WNT9A: variants seen among roughly 807,000 people sequenced by gnomAD.
The protein encoded by WNT9A is protein Wnt-9a.
In WNT9A, 8 loss-of-function variants were observed where a neutral mutation model predicts 31.4. The ratio of observed to expected loss-of-function variants is 0.26; its 90% CI spans 0.15 to 0.46. WNT9A has a LOEUF of 0.46. WNT9A is among the 20% of genes least tolerant of loss of function. The pLI, the probability that WNT9A is intolerant of heterozygous loss-of-function variation, is 0.99. For synonymous variants in WNT9A, 236 were observed against 220.1 expected, an observed-to-expected ratio of 1.07 and a Z score of -0.64; for missense variants, 457 against 522.9, an observed-to-expected ratio of 0.87 and a Z score of 1.23.
chr1:227,924,068 G>T, intron 3 of WNT9A, 70 bp downstream of exon 3: 3 of 46,924 alleles, frequency 6.4e-5, no homozygotes, highest in Non-Finnish European at 1.2e-4. Context: ...CCAGTCCCAC[G>T]CCCCACCCCC....
At chr1:227,947,690 C>A in intron 1 of WNT9A, 103 bp downstream of exon 1, 1 of 667,002 alleles carries the variant, frequency 1.5e-6, no homozygotes, top group Non-Finnish European at 1.9e-6. Context: ...CCCCGCCGCG[C>A]CCCGGCCCCA....
At chr1:227,935,487 T>G (rs1666580368) in intron 1 of WNT9A, among the ~76,000 whole-genome samples, 2 of 152,180 alleles carry the variant, frequency 1.3e-5, no homozygotes, top group South Asian at 4.1e-4. Flanking sequence ...TCTCTCGAGA[T>G]TCCCTCTGTG....
At chr1:227,934,175 A>G (rs1666553504) in intron 1 of WNT9A, among the ~76,000 whole-genome samples, 1 of 152,160 alleles carries the variant, frequency 6.6e-6, no homozygotes, top group Non-Finnish European at 1.5e-5. Context: ...TTGTGTGGAC[A>G]TATGTTTTCA....
intron 1 of WNT9A, among the ~76,000 whole-genome samples, chr1:227,947,303 C>A (rs913798292): frequency 6.6e-6 from 1 of 151,136 alleles, no homozygotes; most frequent in African/African-American, 2.5e-5. Flanking sequence ...GGATTTCTCT[C>A]TTTCTCTCTC....
rs1458516594 is a variant in WNT9A, at chr1:227,942,297, C to A, written c.95+5496G>T. ...TCCACACCCTCCAGGGAGCCAGGACCCCCAAGCAGGTGGGGCAGGGAGAGG... is the reference window on the plus strand; with the variant it reads ...TCCACACCCTCCAGGGAGCCAGGACACCCAAGCAGGTGGGGCAGGGAGAGG... On this transcript the variant is annotated intron_variant, in intron 1 of 3. Coordinates refer to ENST00000272164, the MANE Select transcript of WNT9A (RefSeq NM_003395.4). This position sits in a 1 kb window ranked among gnomAD's most constrained non-coding sequence, Gnocchi z 5.7. Among the ~76,000 whole-genome samples, 1 of 152,178 alleles carries A rather than the reference C, an allele frequency of 6.6e-6. No individual in the cohort carries two copies. The highest frequency in any genetic ancestry group is 1.5e-5 in the Non-Finnish European group (1 of 68,022).
Position 227,942,770 on chromosome 1 carries a change from G to C in WNT9A, c.95+5023C>G, listed in dbSNP as rs1430435399. On this transcript the variant is annotated intron_variant, in intron 1 of 3. Transcript: ENST00000272164. This position sits in a 1 kb window ranked among gnomAD's most constrained non-coding sequence, Gnocchi z 5.7. ...GTTGTTGGAGGGGGTGGGTCTCCAGGACAGTGCCTGCCCAAACCTAAGCCT... is the reference window on the plus strand; with the variant it reads ...GTTGTTGGAGGGGGTGGGTCTCCAGCACAGTGCCTGCCCAAACCTAAGCCT... 6.6e-6 allele frequency among the ~76,000 whole-genome samples: 1 copy of C among 152,116 alleles called. No homozygotes were observed. The highest frequency in any genetic ancestry group is 6.5e-5 in the Admixed American group (1 of 15,274).
Position 227,922,004 on chromosome 1 carries a change from G to C in WNT9A, c.616-4C>G, listed in dbSNP as rs1409598627. On this transcript the variant is annotated splice_region_variant and splice_polypyrimidine_tract_variant and intron_variant, in intron 3 of 3. Coordinates refer to ENST00000272164, the MANE Select transcript of WNT9A (RefSeq NM_003395.4). Reference sequence around the variant, plus strand: ...TCTCCACCCCAGCCTTGATCACCTGGCAGAAGGGTGCGGGAGGGAGGGCAG... The same window carrying C: ...TCTCCACCCCAGCCTTGATCACCTGCCAGAAGGGTGCGGGAGGGAGGGCAG... 1.2e-6 allele frequency: 2 copies of C among 1,600,140 alleles called. No homozygotes were observed. The highest frequency in any genetic ancestry group is 1.7e-6 in the Non-Finnish European group (2 of 1,172,486).
At chr1:227,947,071 G>T (rs1363612172) in intron 1 of WNT9A, among the ~76,000 whole-genome samples, 2 of 152,230 alleles carry the variant, frequency 1.3e-5, no homozygotes, top group African/African-American at 4.8e-5. Context: ...ACCTCAGAGA[G>T]GGGGAGGGAA....
intron 1 of WNT9A, among the ~76,000 whole-genome samples, chr1:227,931,822 G>T (rs1238256741): frequency 6.6e-6 from 1 of 152,094 alleles, no homozygotes; most frequent in Non-Finnish European, 1.5e-5. Context: ...CTCCATGCTG[G>T]TAGCTGCTGA....
rs1354024573 is a variant in WNT9A at position 227,928,347 on chromosome 1, G to GT, written c.96-2829dup. The stretch of plus-strand genomic sequence containing the variant: ...TCCAAGGCCAGGCAGGGTGGGCAGG[G>GT]TGGGCCGTTGGCACTGTCAGAAGGG... On this transcript the variant is annotated intron_variant, in intron 1 of 3. Transcript: ENST00000272164. This position sits in a 1 kb window ranked among gnomAD's most constrained non-coding sequence, Gnocchi z 4.5. Among the ~76,000 whole-genome samples the GT allele has an allele frequency of 3.9e-5, 6 of 152,008 alleles. No individual in the cohort carries two copies. Among genetic ancestry groups the GT allele is most frequent in the Non-Finnish European group, 8.8e-5 (6 of 67,936 alleles).
At position 227,921,469 on chromosome 1, in the gene WNT9A, G is replaced by A. The variant is rs112746139; in HGVS notation, c.*49C>T. 628 of 1,569,054 alleles carry A rather than the reference G, an allele frequency of 4.0e-4. 1 individual carries two copies. The African/African-American group carries it at 7.0e-3, about 18-fold the overall frequency. On this transcript the variant is annotated 3_prime_UTR_variant, in exon 4 of 4. Coordinates refer to ENST00000272164, the MANE Select transcript of WNT9A (RefSeq NM_003395.4). Reference sequence around the variant, plus strand: ...TGTGCAGGTGTAGACCCTTCACACCGTGTGCAATGCCTGCACCCTGTGCAG... The same window carrying A: ...TGTGCAGGTGTAGACCCTTCACACCATGTGCAATGCCTGCACCCTGTGCAG...
chr1:227,930,435 C>T (rs1666490571), intron 1 of WNT9A, among the ~76,000 whole-genome samples: 1 of 152,210 alleles, frequency 6.6e-6, no homozygotes, highest in South Asian at 2.1e-4. Context: ...ATCCATGGAA[C>T]TCGCTCCACA....
chr1:227,921,891 T>G lies in WNT9A; in HGVS notation c.725A>C (p.His242Pro). 1 of 1,613,204 alleles carries G rather than the reference T, an allele frequency of 6.2e-7. No individual in the cohort carries two copies. Among genetic ancestry groups the G allele is most frequent in the South Asian group, 1.1e-5 (1 of 91,086 alleles). The stretch of plus-strand genomic sequence containing the variant: ...TGCCGTCTCATACTTGTGCTTCAGA[T>G]GCTTGCCCACCTCATGGAAAGGCGC... ...QLAPFHEVGKHLKHKYETALK... is the reference protein window; with the variant it reads ...QLAPFHEVGKPLKHKYETALK... Residue 242 changes from histidine to proline, a missense_variant, in exon 4 of 4, where the codon CAT (histidine) becomes CCT (proline). Coordinates refer to ENST00000272164, the MANE Select transcript of WNT9A (RefSeq NM_003395.4).
chr1:227,938,489 CCACA>C (rs761520053), intron 1 of WNT9A, among the ~76,000 whole-genome samples: 3 of 151,502 alleles, frequency 2.0e-5, no homozygotes, highest in African/African-American at 7.3e-5. Context: ...ACGAACACAC[CCACA>C]CACACAGATA....
rs765889724 is a variant in WNT9A at position 227,924,325 on chromosome 1, G to A, written c.428C>T (p.Ala143Val). Residue 143 changes from alanine (A) to valine (V), a missense_variant, in exon 3 of 4, where the codon GCG becomes GTG. Coordinates refer to ENST00000272164, the MANE Select transcript of WNT9A (RefSeq NM_003395.4). ...LTHALAKACS[A>V]GRMERCTCDE... ...GCAGGTACAGCGCTCCATGCGGCCC[G>A]CGCTGCACGCCTTGGCCAGTGCGTG... The A allele has an allele frequency of 1.3e-5, 21 of 1,613,526 alleles. No homozygotes were observed. The highest frequency in any genetic ancestry group is 3.3e-5 in the Admixed American group (2 of 59,990).
At chr1:227,940,779 G>A (rs1046206242) in intron 1 of WNT9A, among the ~76,000 whole-genome samples, 2 of 152,212 alleles carry the variant, frequency 1.3e-5, no homozygotes, top group Non-Finnish European at 2.9e-5. Flanking sequence ...CTGCCAGCTG[G>A]ACAGCTGGGC....
At chr1:227,935,371 C>A (rs1375934143) in intron 1 of WNT9A, among the ~76,000 whole-genome samples, 1 of 152,156 alleles carries the variant, frequency 6.6e-6, no homozygotes, top group Non-Finnish European at 1.5e-5. Context: ...TTTCTGTTTG[C>A]CATAGAGAGC....
At chr1:227,936,128 ATTC>A (rs2102726417) in intron 1 of WNT9A, among the ~76,000 whole-genome samples, 1 of 152,016 alleles carries the variant, frequency 6.6e-6, no homozygotes, top group South Asian at 2.1e-4. Flanking sequence ...CCTCATCTGT[ATTC>A]TTCTTTCTCA....
intron 1 of WNT9A, among the ~76,000 whole-genome samples, chr1:227,930,147 A>G (rs1666483564): frequency 6.6e-6 from 1 of 152,194 alleles, no homozygotes; most frequent in Non-Finnish European, 1.5e-5. Flanking sequence ...TGCTGGAGAC[A>G]GCAGGAGAGC....
Sources: allele counts gnomAD v4.1 joint callset (sites outside exome capture counted in the v4.1 genomes callset), GRCh38; gene constraint gnomAD v4.1.1; non-coding constraint Gnocchi (gnomAD v3.1); transcripts MANE v1.5; gene names NCBI Gene and HGNC (gene_info 2026-07-23, HGNC 2026-07-21).